SPATS1: variants seen among roughly 807,000 people sequenced by gnomAD.
SPATS1 encodes spermatogenesis associated serine rich 1.
Under a neutral mutation model 33.6 loss-of-function variants are expected in SPATS1, and 23 were observed. The observed-to-expected ratio is 0.68, with a 90% CI of 0.49 to 0.97. The LOEUF (loss-of-function observed/expected upper bound fraction) is 0.97. SPATS1 is among the 50% of genes least tolerant of loss of function. SPATS1 has a pLI of 0.00. For missense variants in SPATS1, 327 were observed against 361.0 expected, an observed-to-expected ratio of 0.91 and a Z score of 0.76; for synonymous variants, 131 against 125.6, an observed-to-expected ratio of 1.04 and a Z score of -0.29.
chr6:44,342,891 T>TG, intron 1 of SPATS1, 123 bp downstream of exon 1: 1 of 1,285,342 alleles, frequency 7.8e-7, no homozygotes, highest in Non-Finnish European at 1.1e-6. Flanking sequence ...TGGTTCGGGC[T>TG]GGGGGCGGAC....
intron 2 of SPATS1, among the ~76,000 whole-genome samples, chr6:44,345,761 T>A (rs1329978685): frequency 6.6e-6 from 1 of 152,214 alleles, no homozygotes; most frequent in African/African-American, 2.4e-5. Context: ...TCTCCAAACA[T>A]GCATTTCATG....
At chr6:44,345,904 G>T (rs77481601) in intron 2 of SPATS1, among the ~76,000 whole-genome samples, 1 of 152,108 alleles carries the variant, frequency 6.6e-6, no homozygotes, top group East Asian at 1.9e-4. Context: ...GCAATGATAG[G>T]AATGCCATTC....
chr6:44,343,714 G>T (rs897452980), intron 2 of SPATS1, among the ~76,000 whole-genome samples: 8 of 152,276 alleles, frequency 5.3e-5, no homozygotes, highest in African/African-American at 1.9e-4. Context: ...AATAATGGCT[G>T]GTAGCTCCAT....
intron 5 of SPATS1, among the ~76,000 whole-genome samples, chr6:44,366,609 G>A (rs192444896): frequency 9.9e-5 from 15 of 152,268 alleles, no homozygotes; most frequent in African/African-American, 2.4e-4. Context: ...TGGAACCACT[G>A]TTCTATAGTA....
intron 2 of SPATS1, 72 bp downstream of exon 2, chr6:44,343,306 C>G: frequency 6.5e-7 from 1 of 1,549,314 alleles, no homozygotes; most frequent in Admixed American, 1.7e-5. Flanking sequence ...GGGGCGGGGG[C>G]AGGTGGGGGG....
chr6:44,370,169 T>C lies in SPATS1; in HGVS notation c.758+56T>C, dbSNP rs1789516518. 3 of 1,506,058 alleles carry C rather than the reference T, an allele frequency of 2.0e-6. No individual in the cohort carries two copies. The African/African-American group carries it at 4.1e-5, about 21-fold the overall frequency. The allele number at this position is 1,506,058 out of a possible 1,614,324, so 93.3% of individuals were successfully genotyped here. On this transcript the variant is annotated intron_variant, in intron 7 of 8. Coordinates refer to ENST00000674044, the MANE Select transcript of SPATS1 (RefSeq NM_001372081.1). ...CCATCTTTATTAAATATCGATTATTTTATTGTTTCCTTATGTGGAGGAGCA... is the reference window on the plus strand; with the variant it reads ...CCATCTTTATTAAATATCGATTATTCTATTGTTTCCTTATGTGGAGGAGCA...
chr6:44,373,480 A>G (rs921494391), intron 7 of SPATS1, among the ~76,000 whole-genome samples: 1 of 152,234 alleles, frequency 6.6e-6, no homozygotes, highest in Middle Eastern at 3.2e-3. Context: ...TAGAAATGTT[A>G]TTATCTATCA....
rs145421704 is a variant in SPATS1, at chr6:44,374,183, A to G, written c.759-2175A>G. ...TTTAGATTTCCACATGTGCTTGAAA[A>G]GAAAGTGTATTCCACTTAATCAGGA... On this transcript the variant is annotated intron_variant, in intron 7 of 8. Coordinates refer to ENST00000674044, the MANE Select transcript of SPATS1 (RefSeq NM_001372081.1). 7.9e-5 allele frequency among the ~76,000 whole-genome samples: 12 copies of G among 152,344 alleles called. No individual in the cohort carries two copies. The East Asian group carries it at 1.9e-3, about 24-fold the overall frequency.
At chr6:44,344,019 C>T (rs1787722271) in intron 2 of SPATS1, among the ~76,000 whole-genome samples, 2 of 152,162 alleles carry the variant, frequency 1.3e-5, no homozygotes, top group South Asian at 4.1e-4. Context: ...TTCCACCCAG[C>T]TATTAATATA....
At chr6:44,368,886 T>C (rs1407624266) in intron 6 of SPATS1, among the ~76,000 whole-genome samples, 1 of 145,362 alleles carries the variant, frequency 6.9e-6, no homozygotes, top group Non-Finnish European at 1.5e-5. Context: ...AGAAAAATAG[T>C]TGGTGTATTA....
At chr6:44,373,609 A>T (rs1789757783) in intron 7 of SPATS1, among the ~76,000 whole-genome samples, 1 of 152,178 alleles carries the variant, frequency 6.6e-6, no homozygotes, top group African/African-American at 2.4e-5. Context: ...TGTGCTTGGA[A>T]ATTTAAGAAT....
At chr6:44,350,853 G>A (rs1036239653) in intron 2 of SPATS1, among the ~76,000 whole-genome samples, 23 of 152,074 alleles carry the variant, frequency 1.5e-4, no homozygotes, top group African/African-American at 4.3e-4. Flanking sequence ...TCTGGGTGTC[G>A]TGGCTTACAC....
In SPATS1 at chr6:44,370,052, G is replaced by A; in HGVS notation, c.697G>A (p.Val233Met). ...SMLPPVNFSI[V>M]PYEKKFDTFI... Reference sequence around the variant, plus strand: ...ATGATTGCCTTTTCTGTTTTTCAGAGTGCCTTATGAAAAGAAATTTGATAC... The same window carrying A: ...ATGATTGCCTTTTCTGTTTTTCAGAATGCCTTATGAAAAGAAATTTGATAC... The change falls in exon 7 of 9, where the codon GTG (valine) becomes ATG (methionine). Residue 233 changes from valine to methionine, a missense_variant and splice_region_variant. Val to Met is a conservative substitution (Grantham distance 21, BLOSUM62 1). Coordinates refer to ENST00000674044, the MANE Select transcript of SPATS1 (RefSeq NM_001372081.1). 1 of 1,610,758 alleles carries A rather than the reference G, an allele frequency of 6.2e-7. No homozygotes were observed. The highest frequency in any genetic ancestry group is 1.1e-5 in the South Asian group (1 of 90,844).
chr6:44,343,145 C>A lies in SPATS1; in HGVS notation c.50C>A (p.Pro17His), dbSNP rs1262433400. ...AACAGTCCACGGGGCTGCCGTCTCC[C>A]CTCCATCTCAAGCACGACCTGCGGC... ...TGNSPRGCRLPSISSTTCGRQ... is the reference protein window; with the variant it reads ...TGNSPRGCRLHSISSTTCGRQ... Residue 17 changes from proline (P) to histidine (H), a missense_variant, in exon 2 of 9, where the codon CCC becomes CAC. By Grantham distance (77) the Pro-to-His change is moderately conservative. Coordinates refer to ENST00000674044, the MANE Select transcript of SPATS1 (RefSeq NM_001372081.1). 5.0e-6 allele frequency: 8 copies of A among 1,614,160 alleles called. No individual in the cohort carries two copies. Among genetic ancestry groups the A allele is most frequent in the Non-Finnish European group, 6.8e-6 (8 of 1,180,026 alleles).
At position 44,376,467 on chromosome 6, in the gene SPATS1, C is replaced by T; in HGVS notation, c.868C>T (p.Leu290Phe). ...AGTGCCCTTAATGCACATGCTACAC[C>T]TTTCTGGTGGGTTAAAGAAACTTCA... is the stretch of plus-strand genomic sequence containing the variant. ...PAVPLMHMLH[L>F]SGALDFPRQS Residue 290 changes from leucine to phenylalanine, a missense_variant, in exon 8 of 9, where the codon CTT becomes TTT. By Grantham distance (22) the Leu-to-Phe change is conservative. Coordinates refer to ENST00000674044, the MANE Select transcript of SPATS1 (RefSeq NM_001372081.1). 6.2e-7 allele frequency: 1 copy of T among 1,603,238 alleles called. No homozygotes were observed. The highest frequency in any genetic ancestry group is 8.5e-7 in the Non-Finnish European group (1 of 1,173,988).
At chr6:44,355,184 CT>C (rs1238603499) in intron 3 of SPATS1, among the ~76,000 whole-genome samples, 4 of 151,358 alleles carry the variant, frequency 2.6e-5, no homozygotes, top group African/African-American at 7.3e-5. Context: ...CTCCCACCCC[CT>C]GGCAACCGCA....
chr6:44,360,588 C>G lies in SPATS1; in HGVS notation c.412+18C>G, dbSNP rs551694146. The G allele has an allele frequency of 6.2e-7, 1 of 1,613,628 alleles. No individual in the cohort carries two copies. The highest frequency in any genetic ancestry group is 1.7e-5 in the Admixed American group (1 of 60,008). On this transcript the variant is annotated intron_variant, in intron 4 of 8. Coordinates refer to ENST00000674044, the MANE Select transcript of SPATS1 (RefSeq NM_001372081.1). ...GCAGACGAGTAAGTCACAGACCCTC[C>G]TCCACATGCTTCTGTGCCCCAGGTC...
intron 5 of SPATS1, among the ~76,000 whole-genome samples, chr6:44,366,797 T>C (rs1789277126): frequency 6.6e-6 from 1 of 152,246 alleles, no homozygotes; most frequent in African/African-American, 2.4e-5. Context: ...TAATAATTGC[T>C]ACTATTTCTT....
At chr6:44,347,933 T>G (rs1025051656) in intron 2 of SPATS1, among the ~76,000 whole-genome samples, 1 of 152,150 alleles carries the variant, frequency 6.6e-6, no homozygotes, top group Non-Finnish European at 1.5e-5. Context: ...TTTCTGGAGC[T>G]TAATTTCTTT....
Sources: allele counts gnomAD v4.1 joint callset (sites outside exome capture counted in the v4.1 genomes callset), GRCh38; gene constraint gnomAD v4.1.1; transcripts MANE v1.5; gene names NCBI Gene and HGNC (gene_info 2026-07-23, HGNC 2026-07-21).